The following CDK15 variants were observed in gnomAD, a reference collection of about 807,000 sequenced individuals.
The protein encoded by CDK15 is cyclin-dependent kinase 15.
CDK15 carries 62 observed loss-of-function variants against 60.3 expected under a neutral mutation model. The observed-to-expected ratio is 1.03, with a 90% CI of 0.84 to 1.27. The LOEUF (loss-of-function observed/expected upper bound fraction) is 1.27, where lower values mean the gene tolerates loss of function less well. CDK15 is among the 50% of genes most tolerant of loss of function. CDK15 has a pLI of 0.00. For synonymous variants in CDK15, 194 were observed against 195.7 expected (o/e 0.99, Z 0.07); for missense variants, 541 against 527.8 (o/e 1.03, Z -0.25).
intron 3 of CDK15, among the ~76,000 whole-genome samples, chr2:201,812,173 C>CAAAAAAAAAAATAAA (rs1695800719): frequency 1.0e-5 from 1 of 96,820 alleles, no homozygotes. Flanking sequence ...GATTCTGTCT[C>CAAAAAAAAAAATAAA]AAAAAAAAAA....
chr2:201,869,094 A>G (rs1237764336), intron 10 of CDK15, among the ~76,000 whole-genome samples: 3 of 152,182 alleles, frequency 2.0e-5, no homozygotes, highest in South Asian at 2.1e-4. Context: ...GTTTATTGTG[A>G]CACTATTCAC....
chr2:201,810,553 A>T (rs371772136), intron 3 of CDK15, among the ~76,000 whole-genome samples: 3 of 152,312 alleles, frequency 2.0e-5, no homozygotes, highest in East Asian at 3.9e-4. Flanking sequence ...GTCCGTACTG[A>T]TATAAATAAA....
chr2:201,877,691 C>T (rs1296842069), intron 11 of CDK15, among the ~76,000 whole-genome samples: 1 of 152,206 alleles, frequency 6.6e-6, no homozygotes, highest in African/African-American at 2.4e-5. Context: ...AATATATCTG[C>T]CAGTCCTTCT....
intron 9 of CDK15, among the ~76,000 whole-genome samples, chr2:201,848,925 G>GAA (rs111363647): frequency 6.9e-6 from 1 of 145,810 alleles, no homozygotes; most frequent in African/African-American, 2.5e-5. Context: ...ATTCACAACT[G>GAA]AAAAAAAAAA....
chr2:201,889,289 TG>T, intron 12 of CDK15: 2 of 985,388 alleles, frequency 2.0e-6, no homozygotes, highest in Non-Finnish European at 2.4e-6. Context: ...ATTGTGAACC[TG>T]GGAAAAGCAA....
At chr2:201,873,113 TG>T (rs34530336) in intron 11 of CDK15, among the ~76,000 whole-genome samples, 19,761 of 152,216 alleles carry the variant, frequency 0.13, 1,485 homozygotes, top group Middle Eastern at 0.18. Context: ...CCTGAAAATA[TG>T]GTAGAATTTA....
chr2:201,858,574 G>A lies in CDK15; in HGVS notation c.1009+3637G>A, dbSNP rs148916868. 3.1e-4 allele frequency among the ~76,000 whole-genome samples: 47 copies of A among 152,196 alleles called. No homozygotes were observed. The East Asian group carries it at 7.9e-3, about 26-fold the overall frequency. Reference sequence around the variant, plus strand: ...GAAAAGTAGGCTTTGAAAAGTAGGCGCTTTTTTTGTTTAATCTTTTCTCTT... The same window carrying A: ...GAAAAGTAGGCTTTGAAAAGTAGGCACTTTTTTTGTTTAATCTTTTCTCTT... On this transcript the variant is annotated intron_variant, in intron 10 of 13. Coordinates refer to ENST00000652192, the MANE Select transcript of CDK15 (RefSeq NM_001366386.2).
At chr2:201,812,412 G>A in intron 3 of CDK15, 71 bp from the exon 4 acceptor site, 1 of 914,526 alleles carries the variant, frequency 1.1e-6, no homozygotes, top group Middle Eastern at 2.2e-4. Context: ...CTTTTGTTAA[G>A]CCATCTTTGG....
At chr2:201,877,832 G>T (rs1413216468) in intron 11 of CDK15, among the ~76,000 whole-genome samples, 2 of 152,190 alleles carry the variant, frequency 1.3e-5, no homozygotes. Context: ...TCCTGAGTTT[G>T]AAAGTAGTTA....
intron 11 of CDK15, among the ~76,000 whole-genome samples, chr2:201,873,003 C>T (rs929183404): frequency 1.3e-5 from 2 of 152,104 alleles, no homozygotes; most frequent in East Asian, 1.9e-4. Context: ...ACAGGGGAAA[C>T]GAGCTCAAAT....
intron 6 of CDK15, among the ~76,000 whole-genome samples, chr2:201,828,100 T>C (rs1696587012): frequency 6.6e-6 from 1 of 152,106 alleles, no homozygotes; most frequent in African/African-American, 2.4e-5. Context: ...ACGAGGAGAA[T>C]TGTAGCTCTA....
At chr2:201,845,521 G>T (rs1697611617) in intron 8 of CDK15, among the ~76,000 whole-genome samples, 2 of 150,516 alleles carry the variant, frequency 1.3e-5, no homozygotes, top group South Asian at 4.2e-4. Flanking sequence ...GGAGGCCTAG[G>T]CAGGCAGATT....
At chr2:201,819,199 G>T (rs879173671) in intron 4 of CDK15, among the ~76,000 whole-genome samples, 2 of 152,148 alleles carry the variant, frequency 1.3e-5, no homozygotes, top group Admixed American at 1.3e-4. Context: ...ACCTAGAATG[G>T]TCAAGGAAGT....
At chr2:201,839,500 G>T (rs1697277336) in intron 8 of CDK15, among the ~76,000 whole-genome samples, 1 of 152,110 alleles carries the variant, frequency 6.6e-6, no homozygotes, top group Non-Finnish European at 1.5e-5. Context: ...AGGGACTGTG[G>T]ATTAGATAGG....
chr2:201,816,235 A>G (rs1695984276), intron 4 of CDK15, among the ~76,000 whole-genome samples: 1 of 152,040 alleles, frequency 6.6e-6, no homozygotes, highest in Non-Finnish European at 1.5e-5. Flanking sequence ...ATAGTACCTG[A>G]TAGGTAGTTT....
chr2:201,819,218 A>G (rs1009847525), intron 4 of CDK15, among the ~76,000 whole-genome samples: 8 of 152,138 alleles, frequency 5.3e-5, no homozygotes, highest in South Asian at 2.1e-4. Flanking sequence ...GTCTGCACCT[A>G]TATGTATCAC....
chr2:201,807,654 A>G lies in CDK15; in HGVS notation c.273+11A>G. 1 of 1,613,976 alleles carries G rather than the reference A, an allele frequency of 6.2e-7. No individual in the cohort carries two copies. Among genetic ancestry groups the G allele is most frequent in the Non-Finnish European group, 8.5e-7 (1 of 1,179,900 alleles). Reference sequence around the variant, plus strand: ...CAGGGTTTTCAGTGGGTGAGTGAGCAGCTGATGTTGATCAAGAAGAATTTA... The same window carrying G: ...CAGGGTTTTCAGTGGGTGAGTGAGCGGCTGATGTTGATCAAGAAGAATTTA... On this transcript the variant is annotated intron_variant, in intron 2 of 13. Coordinates refer to ENST00000652192, the MANE Select transcript of CDK15 (RefSeq NM_001366386.2).
At chr2:201,823,768 A>C (rs777016053) in intron 6 of CDK15, 41 bp downstream of exon 6, 2 of 1,558,102 alleles carry the variant, frequency 1.3e-6, no homozygotes, top group Non-Finnish European at 1.8e-6. Flanking sequence ...TGGCTTGCCC[A>C]CAGAAGGAGA....
chr2:201,881,169 C>A (rs1699265896), intron 12 of CDK15, among the ~76,000 whole-genome samples: 1 of 152,106 alleles, frequency 6.6e-6, no homozygotes, highest in African/African-American at 2.4e-5. Context: ...TCCGCCTTGC[C>A]AGAGTTTGCA....
Sources: allele counts gnomAD v4.1 joint callset (sites outside exome capture counted in the v4.1 genomes callset), GRCh38; gene constraint gnomAD v4.1.1; transcripts MANE v1.5; gene names NCBI Gene and HGNC (gene_info 2026-07-23, HGNC 2026-07-21).